Variants in RGMA observed in about 807,000 individuals in gnomAD.
RGMA encodes the protein repulsive guidance molecule BMP co-receptor a.
Under a neutral mutation model 23.2 loss-of-function variants are expected in RGMA, and 10 were observed. That is an observed-to-expected ratio of 0.43 (90% CI 0.27 to 0.73). The LOEUF (loss-of-function observed/expected upper bound fraction) is 0.73. RGMA is among the 30% of genes least tolerant of loss of function. The probability of loss-of-function intolerance (pLI) is 0.20; values close to 1 mark genes in which losing one functional copy is unlikely to be tolerated. For synonymous variants in RGMA, 308 were observed against 279.3 expected (o/e 1.10, Z -1.03); for missense variants, 547 against 630.5 (o/e 0.87, Z 1.42).
At chr15:93,082,991 G>C (rs548579848) in intron 1 of RGMA, among the ~76,000 whole-genome samples, 1 of 152,358 alleles carries the variant, frequency 6.6e-6, no homozygotes, top group South Asian at 2.1e-4. Flanking sequence ...TTAGAGACTG[G>C]TCACTGACCC....
intron 2 of RGMA, among the ~76,000 whole-genome samples, chr15:93,061,334 A>G (rs1180684967): frequency 6.6e-6 from 1 of 152,150 alleles, no homozygotes; most frequent in Non-Finnish European, 1.5e-5. Context: ...TTATTTCAGT[A>G]GAGATGGGGT....
rs1443378128 is a variant in RGMA at position 93,036,092 on chromosome 15, A to G, written c.*8906T>C. The G allele has an allele frequency of 1.3e-5, 2 of 152,184 alleles. No homozygotes were observed. The highest frequency in any genetic ancestry group is 1.9e-4 in the East Asian group (1 of 5,196). 9.4% of individuals were successfully genotyped at this position (152,184 alleles called of 1,614,324 possible). A position where few individuals can be genotyped will look rare whatever the true frequency, so the allele number is the denominator to read the frequency against. ...TAAGTATGATTACACGTGTAATCAC[A>G]CATGTGACTCGGTTAGTGTCTGTCT... On this transcript the variant is annotated 3_prime_UTR_variant, in exon 4 of 4. Transcript: ENST00000329082.
Position 93,045,572 on chromosome 15 carries a change from T to G in RGMA, c.779A>C (p.Lys260Thr). The G allele has an allele frequency of 6.2e-7, 1 of 1,613,336 alleles. No homozygotes were observed. The highest frequency in any genetic ancestry group is 1.1e-5 in the South Asian group (1 of 91,086). ...CTGGCCTGACACCTTCTCAGTGATC[T>G]TCAGGCTGTTGGCCCCGTGCTTGTC... ...GGDKHGANSLKITEKVSGQHV... is the reference protein window; with the variant it reads ...GGDKHGANSLTITEKVSGQHV... The change falls in exon 4 of 4, where the codon AAG (lysine) becomes ACG (threonine). Residue 260 changes from lysine to threonine, a missense_variant. Lys to Thr is a moderately conservative substitution (Grantham distance 78). This residue lies in a region of RGMA where 128 missense variants were observed against 191.7 expected (regional missense o/e 0.67). Coordinates refer to ENST00000329082, the MANE Select transcript of RGMA (RefSeq NM_020211.3). This position sits in a 1 kb window ranked among gnomAD's most constrained non-coding sequence, Gnocchi z 6.9.
intron 2 of RGMA, chr15:93,065,603 GC>G: frequency 5.0e-6 from 4 of 798,844 alleles, no homozygotes; most frequent in Non-Finnish European, 8.5e-6. Flanking sequence ...GATGGTGGTG[GC>G]GGGGTCCCCA....
intron 1 of RGMA, 64 bp from the exon 2 acceptor site, chr15:93,073,095 C>T (rs1895390110): frequency 3.5e-6 from 5 of 1,431,970 alleles, no homozygotes; most frequent in African/African-American, 1.5e-5. Flanking sequence ...GGCAGCCTCG[C>T]TCCGCCGGCG....
intron 3 of RGMA, among the ~76,000 whole-genome samples, chr15:93,049,931 C>T (rs75813039): frequency 6.6e-6 from 1 of 152,196 alleles, no homozygotes; most frequent in Non-Finnish European, 1.5e-5. Context: ...GAGGCCTCAT[C>T]ATCTTGGAGA....
intron 2 of RGMA, among the ~76,000 whole-genome samples, chr15:93,061,494 C>T (rs113897685): frequency 1.3e-5 from 2 of 152,362 alleles, no homozygotes; most frequent in African/African-American, 4.8e-5. Flanking sequence ...ACCCAGGACC[C>T]TGTGCCCGGG....
intron 1 of RGMA, chr15:93,073,270 G>T: frequency 1.1e-6 from 1 of 933,624 alleles, no homozygotes; most frequent in Non-Finnish European, 1.3e-6. Context: ...GCCCCCTCGC[G>T]CTCGGGTTTC....
chr15:93,037,595 C>T lies in RGMA; in HGVS notation c.*7403G>A, dbSNP rs1391536382. ...CACCAGGGTAATAAACTGCCACAAG[C>T]CCCTTCTCTGTAACAGCTGACGCTG... On this transcript the variant is annotated 3_prime_UTR_variant, in exon 4 of 4. Transcript: ENST00000329082. The surrounding 1 kb of genome is among the most constrained non-coding windows in gnomAD (Gnocchi z 4.3). The T allele has an allele frequency of 6.6e-6, 1 of 152,302 alleles. No homozygotes were observed. The highest frequency in any genetic ancestry group is 1.5e-5 in the Non-Finnish European group (1 of 68,102). The allele number at this position is 152,302 out of a possible 1,614,324, so 9.4% of individuals were successfully genotyped here.
chr15:93,073,248 C>T, intron 1 of RGMA: 1 of 1,051,100 alleles, frequency 9.5e-7, no homozygotes, highest in South Asian at 4.6e-5. Flanking sequence ...GCGCCCCAGC[C>T]GCCTGCGCAC....
At chr15:93,088,615 G>T in intron 1 of RGMA, 1 of 1,054,064 alleles carries the variant, frequency 9.5e-7, no homozygotes. Flanking sequence ...CGGGCTGAGG[G>T]AAGGAGCTCC....
At position 93,037,976 on chromosome 15, in the gene RGMA, A is replaced by G. The variant is rs1392826616; in HGVS notation, c.*7022T>C. ...GCACACTGGCTGCCTGCAGCTGTCT[A>G]TTAATTCAGACCATCCTGCTAGGAC... On this transcript the variant is annotated 3_prime_UTR_variant, in exon 4 of 4. Transcript: ENST00000329082. The surrounding 1 kb of genome is among the most constrained non-coding windows in gnomAD (Gnocchi z 4.3). The G allele has an allele frequency of 6.6e-6, 1 of 152,298 alleles. No individual in the cohort carries two copies. The highest frequency in any genetic ancestry group is 2.4e-5 in the African/African-American group (1 of 41,446). 9.4% of individuals were successfully genotyped at this position (152,298 alleles called of 1,614,324 possible).
intron 1 of RGMA, among the ~76,000 whole-genome samples, chr15:93,078,118 C>G (rs753789806): frequency 1.3e-5 from 2 of 152,232 alleles, no homozygotes; most frequent in African/African-American, 2.4e-5. Context: ...TATGACTCTC[C>G]TGCAGCTCTT....
chr15:93,088,002 G>A (rs1470697191), intron 1 of RGMA, among the ~76,000 whole-genome samples: 1 of 152,126 alleles, frequency 6.6e-6, no homozygotes, highest in Non-Finnish European at 1.5e-5. Context: ...TAAGAGGAAT[G>A]CACAGCTCAC....
chr15:93,073,839 G>T, intron 1 of RGMA: 1 of 1,511,828 alleles, frequency 6.6e-7, no homozygotes, highest in African/African-American at 1.4e-5. Context: ...GCGCCCCCGT[G>T]CTGAGGGCCT....
At chr15:93,083,536 C>T (rs1472639958) in intron 1 of RGMA, among the ~76,000 whole-genome samples, 1 of 152,108 alleles carries the variant, frequency 6.6e-6, no homozygotes, top group Non-Finnish European at 1.5e-5. Flanking sequence ...ACCATGTTGG[C>T]CAGGCTGGTC....
At chr15:93,061,730 A>G (rs928336715) in intron 2 of RGMA, among the ~76,000 whole-genome samples, 30 of 152,224 alleles carry the variant, frequency 2.0e-4, no homozygotes, top group Non-Finnish European at 3.1e-4. Flanking sequence ...AGCTGCACCA[A>G]CGCTGGCAGG....
chr15:93,043,194 A>ACACAGG lies in RGMA; in HGVS notation c.*1803_*1804insCCTGTG, dbSNP rs1199457040. The ACACAGG allele has an allele frequency of 2.1e-5, 3 of 144,902 alleles. No homozygotes were observed. Among genetic ancestry groups the ACACAGG allele is most frequent in the Non-Finnish European group, 2.9e-5 (2 of 68,062 alleles). 9.0% of individuals were successfully genotyped at this position (144,902 alleles called of 1,614,324 possible). ...CGCACACACATGCCTACATGCACACACATAGGCATGGGCGCACACACAGGC... is the reference window on the plus strand; with the variant it reads ...CGCACACACATGCCTACATGCACACACACAGGCATAGGCATGGGCGCACACACAGGC... On this transcript the variant is annotated 3_prime_UTR_variant, in exon 4 of 4. Transcript: ENST00000329082.
Position 93,044,926 on chromosome 15 carries a change from C to T in RGMA, c.*72G>A, listed in dbSNP as rs762723938. 2.3e-5 allele frequency: 30 copies of T among 1,291,548 alleles called. No individual in the cohort carries two copies. Among genetic ancestry groups the T allele is most frequent in the Admixed American group, 1.4e-4 (6 of 43,052 alleles). 80.0% of individuals were successfully genotyped at this position (1,291,548 alleles called of 1,614,324 possible). ...TGGACACGCCAGGAGATCTGCACCC[C>T]GTGGGCGGTCCCAGCCCACACATGG... On this transcript the variant is annotated 3_prime_UTR_variant, in exon 4 of 4. Transcript: ENST00000329082.
Sources: allele counts gnomAD v4.1 joint callset (sites outside exome capture counted in the v4.1 genomes callset), GRCh38; gene constraint gnomAD v4.1.1; regional missense constraint gnomAD v4.1.1; non-coding constraint Gnocchi (gnomAD v3.1); transcripts MANE v1.5; gene names NCBI Gene and HGNC (gene_info 2026-07-23, HGNC 2026-07-21).